Variants in C1orf162 observed in about 807,000 individuals in gnomAD.
The protein encoded by C1orf162 is transmembrane protein C1orf162.
A neutral mutation model predicts 11.4 loss-of-function variants in C1orf162; 10 were observed. That is an observed-to-expected ratio of 0.88 (90% CI 0.54 to 1.48). The LOEUF (loss-of-function observed/expected upper bound fraction) is 1.48, where lower values mean the gene tolerates loss of function less well. C1orf162 is among the 40% of genes most tolerant of loss of function. C1orf162 has a pLI of 0.00. For missense variants in C1orf162, 140 were observed against 149.5 expected, an observed-to-expected ratio of 0.94 and a Z score of 0.33; for synonymous variants, 53 against 55.0, an observed-to-expected ratio of 0.96 and a Z score of 0.16.
At position 111,476,808 on chromosome 1, in the gene C1orf162, C is replaced by T; in HGVS notation, c.48C>T (p.Gly16=). 1.2e-6 allele frequency: 2 copies of T among 1,613,924 alleles called. No homozygotes were observed. Among genetic ancestry groups the T allele is most frequent in the African/African-American group, 1.3e-5 (1 of 74,992 alleles). ...STCKPDTERQ[G]TLSTAAPTTS... ...TGTGTTTTCTTGTAGAAAGACAAGG[C>T]ACTCTCTCCACAGCAGCCCCAACAA... The change falls in exon 3 of 6, where the codon GGC becomes GGT. Residue 16 remains glycine (G), a synonymous_variant. Transcript: ENST00000369718.
intron 4 of C1orf162, 55 bp from the exon 5 acceptor site, chr1:111,477,671 A>G: frequency 1.3e-6 from 2 of 1,587,982 alleles, no homozygotes; most frequent in East Asian, 2.3e-5. Context: ...GAGGCTTCCC[A>G]TTTCCCCAGG....
intron 5 of C1orf162, 85 bp downstream of exon 5, chr1:111,477,860 G>A: frequency 6.3e-7 from 1 of 1,597,008 alleles, no homozygotes; most frequent in Non-Finnish European, 8.6e-7. Flanking sequence ...CTGCTAGAAT[G>A]GTGGTATTGA....
rs1654078100 is a variant in C1orf162, at chr1:111,478,508, C to T, written c.*385C>T. 2 of 199,256 alleles carry T rather than the reference C, an allele frequency of 1.0e-5. No homozygotes were observed. The highest frequency in any genetic ancestry group is 5.3e-5 in the Admixed American group (1 of 18,968). The allele number at this position is 199,256 out of a possible 1,614,324, so 12.3% of individuals were successfully genotyped here. A position where few individuals can be genotyped will look rare whatever the true frequency, so the allele number is the denominator to read the frequency against. On this transcript the variant is annotated 3_prime_UTR_variant, in exon 6 of 6. Coordinates refer to ENST00000369718, the MANE Select transcript of C1orf162 (RefSeq NM_001300834.2). The stretch of plus-strand genomic sequence containing the variant: ...AAAATTTCAAATAAAGTCAAACCCC[C>T]CACAGTGCTGCCTCCATCTTTATTA...
rs375173716 is a variant in C1orf162 at position 111,477,429 on chromosome 1, G to A, written c.202+1G>A. ...CTCATCATAAAGAGCTACAGAAAAT[G>A]TAAGTGGTCTCCAAGGGATAGGACA... is the stretch of plus-strand genomic sequence containing the variant. On this transcript the variant is annotated splice_donor_variant, in intron 4 of 5. Coordinates refer to ENST00000369718, the MANE Select transcript of C1orf162 (RefSeq NM_001300834.2). LOFTEE classifies it high-confidence loss of function. 1.9e-6 allele frequency: 3 copies of A among 1,610,390 alleles called. No individual in the cohort carries two copies. The highest frequency in any genetic ancestry group is 2.7e-5 in the African/African-American group (2 of 74,808).
chr1:111,476,898 T>C, intron 3 of C1orf162, 31 bp downstream of exon 3: 1 of 1,604,318 alleles, frequency 6.2e-7, no homozygotes, highest in South Asian at 1.1e-5. Context: ...CTGTTTCATC[T>C]TGTACCACGT....
intron 1 of C1orf162, chr1:111,475,089 TA>T (rs1159713298): frequency 1.3e-5 from 2 of 152,036 alleles, no homozygotes; most frequent in Non-Finnish European, 2.9e-5. Flanking sequence ...TTGATTTAAA[TA>T]AAAATGGAAA....
intron 1 of C1orf162, chr1:111,475,486 C>T (rs1469602538): frequency 6.3e-6 from 1 of 158,092 alleles, no homozygotes; most frequent in Non-Finnish European, 1.4e-5. Flanking sequence ...GTAAGGGTCT[C>T]CAAGAGCAAG....
At chr1:111,474,181 C>T (rs919190273) in intron 1 of C1orf162, among the ~76,000 whole-genome samples, 151 bp downstream of exon 1, 14 of 152,182 alleles carry the variant, frequency 9.2e-5, no homozygotes, top group Non-Finnish European at 1.0e-4. Flanking sequence ...ATGGATTTTA[C>T]GCTATCAGTA....
chr1:111,476,087 TTACC>T, intron 2 of C1orf162, 22 bp downstream of exon 2: 1 of 1,607,812 alleles, frequency 6.2e-7, no homozygotes, highest in Non-Finnish European at 8.5e-7. Context: ...ACAGGAATAA[TTACC>T]TGCCTCACGT....
intron 2 of C1orf162, 151 bp from the exon 3 acceptor site, chr1:111,476,647 A>G: frequency 1.4e-6 from 1 of 732,042 alleles, no homozygotes; most frequent in Non-Finnish European, 2.4e-6. Context: ...GGAATCTAAA[A>G]AACAATGTTC....
intron 2 of C1orf162, 127 bp downstream of exon 2, chr1:111,476,192 CCAGGACA>C (rs1466047746): frequency 8.5e-6 from 8 of 939,318 alleles, no homozygotes; most frequent in East Asian, 5.2e-5. Context: ...TCCAATTTTA[CCAGGACA>C]CAGAATTTAA....
At chr1:111,474,753 T>A (rs1400759812) in intron 1 of C1orf162, 1 of 152,208 alleles carries the variant, frequency 6.6e-6, no homozygotes, top group Non-Finnish European at 1.5e-5. Flanking sequence ...CATTGCATGA[T>A]CTAAAAATGT....
At chr1:111,475,781 G>A in intron 1 of C1orf162, 1 of 471,432 alleles carries the variant, frequency 2.1e-6, no homozygotes. Context: ...ATTTCTTGGT[G>A]CCCTGATAAG....
Position 111,478,439 on chromosome 1 carries a change from C to A in C1orf162, c.*316C>A. On this transcript the variant is annotated 3_prime_UTR_variant, in exon 6 of 6. Coordinates refer to ENST00000369718, the MANE Select transcript of C1orf162 (RefSeq NM_001300834.2). ...AGTGCACAGAGTATTCACCCAGCAT[C>A]ATGAATCAACTTGGGAGGAGTCAAC... The A allele has an allele frequency of 3.4e-6, 1 of 290,202 alleles. No homozygotes were observed. Among genetic ancestry groups the A allele is most frequent in the Non-Finnish European group, 6.5e-6 (1 of 153,776 alleles). The allele number at this position is 290,202 out of a possible 1,614,324, so 18.0% of individuals were successfully genotyped here.
intron 3 of C1orf162, 127 bp downstream of exon 3, chr1:111,476,994 A>C (rs1257199109): frequency 3.6e-5 from 38 of 1,068,412 alleles, no homozygotes; most frequent in Non-Finnish European, 5.5e-5. Flanking sequence ...TAAAAGAACA[A>C]AGTCAGTTTG....
intron 2 of C1orf162, among the ~76,000 whole-genome samples, chr1:111,476,425 A>G (rs1653991866): frequency 6.6e-6 from 1 of 152,162 alleles, no homozygotes; most frequent in Non-Finnish European, 1.5e-5. Context: ...TCAAGGTCAA[A>G]TTCCCCAAGG....
chr1:111,477,515 G>A (rs1475551846), intron 4 of C1orf162, 87 bp downstream of exon 4: 1 of 1,488,004 alleles, frequency 6.7e-7, no homozygotes, highest in Non-Finnish European at 9.4e-7. Flanking sequence ...GGAGGAGGTA[G>A]GGGAGGGTGC....
chr1:111,477,351 T>C lies in C1orf162; in HGVS notation c.125T>C (p.Leu42Pro). The C allele has an allele frequency of 1.9e-6, 3 of 1,614,094 alleles. No homozygotes were observed. Among genetic ancestry groups the C allele is most frequent in the Non-Finnish European group, 2.5e-6 (3 of 1,179,942 alleles). Reference sequence around the variant, plus strand: ...CAAAACAGCAAAAAACATTTAATCCTTGCCTTTTGTGCTGGGGTTCTACTG... The same window carrying C: ...CAAAACAGCAAAAAACATTTAATCCCTGCCTTTTGTGCTGGGGTTCTACTG... ...SNHHNKKHLI[L>P]AFCAGVLLTL... The change falls in exon 4 of 6, where the codon CTT becomes CCT. Residue 42 changes from leucine (L) to proline (P), a missense_variant. Coordinates refer to ENST00000369718, the MANE Select transcript of C1orf162 (RefSeq NM_001300834.2).
chr1:111,477,030 T>G, intron 3 of C1orf162, 163 bp downstream of exon 3: 1 of 778,600 alleles, frequency 1.3e-6, no homozygotes, highest in African/African-American at 1.7e-5. Context: ...GGCTCTTAAT[T>G]TGGCATCCCC....
Sources: allele counts gnomAD v4.1 joint callset (sites outside exome capture counted in the v4.1 genomes callset), GRCh38; gene constraint gnomAD v4.1.1; transcripts MANE v1.5; gene names NCBI Gene and HGNC (gene_info 2026-07-23, HGNC 2026-07-21).